The following SECISBP2L variants were observed in gnomAD, a reference collection of about 807,000 sequenced individuals.
SECISBP2L encodes the protein SECIS binding protein 2 like, also known as selenocysteine insertion sequence-binding protein 2-like.
A neutral mutation model predicts 114.7 loss-of-function variants in SECISBP2L; 43 were observed. The observed-to-expected ratio is 0.38, with a 90% CI of 0.29 to 0.48. SECISBP2L has a LOEUF of 0.48. Ranked by LOEUF, SECISBP2L falls within the 20% of genes least tolerant of loss-of-function variation. The pLI is 0.98. For synonymous variants in SECISBP2L, 451 were observed against 439.7 expected, an observed-to-expected ratio of 1.03 and a Z score of -0.32; for missense variants, 1,136 against 1,301.1, an observed-to-expected ratio of 0.87 and a Z score of 1.95.
At chr15:48,993,026 A>C (rs1300187549) in intron 17 of SECISBP2L, 100 bp from the exon 18 acceptor site, 1 of 1,065,172 alleles carries the variant, frequency 9.4e-7, no homozygotes, top group African/African-American at 1.6e-5. Context: ...AAAATATATA[A>C]ATTTGTTGGC....
chr15:48,995,208 C>T (rs964537606), intron 17 of SECISBP2L, among the ~76,000 whole-genome samples: 3 of 152,180 alleles, frequency 2.0e-5, no homozygotes, highest in Non-Finnish European at 4.4e-5. Flanking sequence ...TATGGCTTGC[C>T]TTTGAGATGC....
Position 48,996,350 on chromosome 15 carries a change from A to G in SECISBP2L, c.2623+17T>C. On this transcript the variant is annotated intron_variant, in intron 17 of 17. Coordinates refer to ENST00000559471, the MANE Select transcript of SECISBP2L (RefSeq NM_001193489.2). ...TCTCATGGTTTAAGTCATTTAAAAT[A>G]GTATTCAACAACTTACCATATTCCT... The G allele has an allele frequency of 6.3e-7, 1 of 1,592,976 alleles. No individual in the cohort carries two copies. The highest frequency in any genetic ancestry group is 8.6e-7 in the Non-Finnish European group (1 of 1,162,010).
Position 48,992,844 on chromosome 15 carries a change from G to A in SECISBP2L, c.2706C>T (p.Ser902=). Reference sequence around the variant, plus strand: ...GAAGTTTACTGGGTTTTTCAGAAGTGCTGTGCTTACAGGATACCTCTTTCT... The same window carrying A: ...GAAGTTTACTGGGTTTTTCAGAAGTACTGTGCTTACAGGATACCTCTTTCT... ...ENEKEVSCKH[S]TSEKPSKLPF... Residue 902 remains serine, a synonymous_variant, in exon 18 of 18, where the codon AGC becomes AGT. Coordinates refer to ENST00000559471, the MANE Select transcript of SECISBP2L (RefSeq NM_001193489.2). 1 of 1,614,170 alleles carries A rather than the reference G, an allele frequency of 6.2e-7. No individual in the cohort carries two copies. Among genetic ancestry groups the A allele is most frequent in the Non-Finnish European group, 8.5e-7 (1 of 1,180,026 alleles).
At chr15:49,006,763 T>C (rs1288355076) in intron 14 of SECISBP2L, among the ~76,000 whole-genome samples, 2 of 152,120 alleles carry the variant, frequency 1.3e-5, no homozygotes, top group Non-Finnish European at 2.9e-5. Context: ...CGGAGGAGTT[T>C]GTTATTACCC....
chr15:49,041,872 T>C (rs528050000), intron 1 of SECISBP2L, among the ~76,000 whole-genome samples: 1 of 152,350 alleles, frequency 6.6e-6, no homozygotes, highest in East Asian at 1.9e-4. Flanking sequence ...AAATGATTAA[T>C]GCTTAAGAGA....
intron 7 of SECISBP2L, among the ~76,000 whole-genome samples, chr15:49,022,303 C>T (rs2141075489): frequency 6.6e-6 from 1 of 152,070 alleles, no homozygotes; most frequent in South Asian, 2.1e-4. Context: ...CTAAAGAACA[C>T]AAAAAAACGA....
intron 3 of SECISBP2L, among the ~76,000 whole-genome samples, chr15:49,034,483 C>A (rs1902963136): frequency 6.6e-6 from 1 of 151,334 alleles, no homozygotes; most frequent in Non-Finnish European, 1.5e-5. Context: ...TATTTATCTT[C>A]CATTTTCTTC....
intron 1 of SECISBP2L, among the ~76,000 whole-genome samples, chr15:49,045,176 CT>C (rs959569645): frequency 1.7e-4 from 26 of 151,308 alleles, no homozygotes; most frequent in South Asian, 2.1e-4. Flanking sequence ...TCACATAAAG[CT>C]TTTTTTTAAA....
At chr15:48,996,669 T>C in intron 16 of SECISBP2L, 83 bp from the exon 17 acceptor site, 1 of 1,227,314 alleles carries the variant, frequency 8.1e-7, no homozygotes, top group South Asian at 1.4e-5. Context: ...TCTCTACTGT[T>C]TGTTTCAGGG....
chr15:49,010,792 G>A (rs999513831), intron 13 of SECISBP2L, among the ~76,000 whole-genome samples: 2 of 152,190 alleles, frequency 1.3e-5, no homozygotes, highest in Admixed American at 6.5e-5. Flanking sequence ...GATTATAGGC[G>A]TGAGCCACTG....
intron 15 of SECISBP2L, 125 bp from the exon 16 acceptor site, chr15:49,000,112 T>G (rs1337355409): frequency 1.2e-6 from 1 of 859,040 alleles, no homozygotes; most frequent in Non-Finnish European, 1.8e-6. Context: ...CACTTAACGC[T>G]GTTACACATT....
intron 1 of SECISBP2L, among the ~76,000 whole-genome samples, chr15:49,043,529 A>C (rs886469605): frequency 6.6e-6 from 1 of 151,924 alleles, no homozygotes; most frequent in Non-Finnish European, 1.5e-5. Flanking sequence ...AATCTCAATA[A>C]ATTTCCTAAA....
Position 49,012,819 on chromosome 15 carries a change from TA to T in SECISBP2L, c.1562-3del. The T allele has an allele frequency of 6.2e-7, 1 of 1,602,572 alleles. No homozygotes were observed. The highest frequency in any genetic ancestry group is 8.5e-7 in the Non-Finnish European group (1 of 1,177,376). ...TGTGAAAAGAAGCTGCAGTAACCAC[TA>T]AAAACAAAGAGGAACATTAGTTTCA... On this transcript the variant is annotated splice_polypyrimidine_tract_variant and splice_region_variant and intron_variant, in intron 11 of 17. Coordinates refer to ENST00000559471, the MANE Select transcript of SECISBP2L (RefSeq NM_001193489.2).
Position 49,009,368 on chromosome 15 carries a change from T to C in SECISBP2L, c.1875A>G (p.Leu625=), listed in dbSNP as rs776379655. 6.2e-7 allele frequency: 1 copy of C among 1,613,344 alleles called. No homozygotes were observed. Among genetic ancestry groups the C allele is most frequent in the South Asian group, 1.1e-5 (1 of 90,870 alleles). ...AGAGTGAAGTATCACTGGGCATGCT[T>C]AGTCCAGTATCTGTGGAGATGTGGA... ...QEIVSQEDTG[L]SMPSDTSLSP... Residue 625 remains leucine (L), a synonymous_variant, in exon 14 of 18, where the codon CTA becomes CTG. Transcript: ENST00000559471.
intron 1 of SECISBP2L, among the ~76,000 whole-genome samples, chr15:49,044,570 TC>T (rs780428384): frequency 1.3e-5 from 2 of 152,182 alleles, no homozygotes; most frequent in African/African-American, 2.4e-5. Context: ...TTCAAATTAT[TC>T]TTTCATTTAG....
intron 1 of SECISBP2L, among the ~76,000 whole-genome samples, chr15:49,044,266 G>A (rs1206334765): frequency 6.6e-6 from 1 of 152,112 alleles, no homozygotes; most frequent in Non-Finnish European, 1.5e-5. Flanking sequence ...AAATACAAAA[G>A]TATAATCCAA....
chr15:48,999,666 C>T (rs1453632472), intron 16 of SECISBP2L, among the ~76,000 whole-genome samples, 167 bp downstream of exon 16: 2 of 152,122 alleles, frequency 1.3e-5, no homozygotes, highest in Non-Finnish European at 2.9e-5. Context: ...ATCTTTTCCA[C>T]CACTAAAAAA....
At chr15:49,002,814 A>T (rs1170541309) in intron 14 of SECISBP2L, among the ~76,000 whole-genome samples, 1 of 152,086 alleles carries the variant, frequency 6.6e-6, no homozygotes, top group Non-Finnish European at 1.5e-5. Context: ...CGGTCTATGT[A>T]TCTGTTTTGG....
In SECISBP2L at chr15:49,028,660, G is replaced by A; in HGVS notation, c.687C>T (p.Asn229=). 2 of 1,613,938 alleles carry A rather than the reference G, an allele frequency of 1.2e-6. No homozygotes were observed. Among genetic ancestry groups the A allele is most frequent in the Non-Finnish European group, 8.5e-7 (1 of 1,179,966 alleles). ...TTGCAGTGGTCTCTGAGAGAGACTTGTTAGCGATATCTGATGGGAAATCTA... is the reference window on the plus strand; with the variant it reads ...TTGCAGTGGTCTCTGAGAGAGACTTATTAGCGATATCTGATGGGAAATCTA... The part of the protein sequence containing the change: ...QQTDFPSDIA[N]KSLSETTATM... The change falls in exon 5 of 18, where the codon AAC becomes AAT. Residue 229 remains asparagine, a synonymous_variant. Coordinates refer to ENST00000559471, the MANE Select transcript of SECISBP2L (RefSeq NM_001193489.2).
Sources: gnomAD v4.1 joint callset for allele counts (sites outside exome capture counted in the v4.1 genomes callset) on GRCh38, gnomAD v4.1.1 for gene constraint, MANE v1.5 for transcripts, NCBI Gene and HGNC (gene_info 2026-07-23, HGNC 2026-07-21) for gene names.